The following SRPRB variants were observed in gnomAD, a reference collection of about 807,000 sequenced individuals.
SRPRB encodes the protein SRP receptor subunit beta, also known as signal recognition particle receptor subunit beta.
SRPRB carries 20 observed loss-of-function variants against 31.9 expected under a neutral mutation model. That is an observed-to-expected ratio of 0.63 (90% CI 0.44 to 0.91). The LOEUF (loss-of-function observed/expected upper bound fraction) is 0.91. Ranked by LOEUF, SRPRB falls within the 40% of genes least tolerant of loss-of-function variation. SRPRB has a pLI of 0.00. For missense variants in SRPRB, 321 were observed against 324.9 expected (o/e 0.99, Z 0.09); for synonymous variants, 146 against 132.8 (o/e 1.10, Z -0.68).
At chr3:133,823,858 A>C (rs16840994), downstream of SRPRB, among the ~76,000 whole-genome samples, 28,655 of 152,110 alleles carry the variant, frequency 0.19, 3,537 homozygotes, top group East Asian at 0.4. Flanking sequence ...CACCAGAAGC[A>C]TGAGAGATCC....
intron 1 of SRPRB, chr3:133,786,665 C>T (rs997195985): frequency 6.6e-6 from 1 of 152,150 alleles, no homozygotes; most frequent in African/African-American, 2.4e-5. Flanking sequence ...TTAAGATTCC[C>T]AGGAAAGACA....
chr3:133,819,643 G>A lies in SRPRB; in HGVS notation c.693G>A (p.Glu231=), dbSNP rs771842060. ...APAQLGKKGK[E]FEFSQLPLKV... is the part of the protein sequence containing the mutation. ...CTCAGCTGGGGAAGAAAGGCAAAGAGTTTGAATTCTCACAGTTGCCCCTCA... is the reference window on the plus strand; with the variant it reads ...CTCAGCTGGGGAAGAAAGGCAAAGAATTTGAATTCTCACAGTTGCCCCTCA... Residue 231 remains glutamate (E), a synonymous_variant, in exon 7 of 7, where the codon GAG becomes GAA. Transcript: ENST00000678299. The A allele has an allele frequency of 6.2e-7, 1 of 1,614,110 alleles. No homozygotes were observed. Among genetic ancestry groups the A allele is most frequent in the African/African-American group, 1.3e-5 (1 of 74,942 alleles).
At chr3:133,827,905 C>CTGGT (rs1333321968), downstream of SRPRB, 2 of 702,772 alleles carry the variant, frequency 2.8e-6, no homozygotes, top group African/African-American at 3.5e-5. Flanking sequence ...GCTGGGTGGG[C>CTGGT]TGGTTAAAAT....
At chr3:133,828,501 C>A, downstream of SRPRB, 1 of 465,700 alleles carries the variant, frequency 2.1e-6, no homozygotes, top group African/African-American at 2.0e-5. Context: ...AAATTGTATA[C>A]ACATGATTTA....
At chr3:133,819,495 A>C in intron 6 of SRPRB, 58 bp from the exon 7 acceptor site, 1 of 1,498,658 alleles carries the variant, frequency 6.7e-7, no homozygotes, top group South Asian at 1.1e-5. Flanking sequence ...AGAAACTAAT[A>C]TGATTTAATT....
chr3:133,814,290 C>T (rs1935326726), intron 4 of SRPRB, among the ~76,000 whole-genome samples: 1 of 151,998 alleles, frequency 6.6e-6, no homozygotes, highest in South Asian at 2.1e-4. Context: ...CGCCATCACA[C>T]CAAGCTAATT....
chr3:133,796,190 C>T (rs1477006315), intron 1 of SRPRB: 1 of 153,420 alleles, frequency 6.5e-6, no homozygotes, highest in Non-Finnish European at 1.5e-5. Context: ...CATCCAGTTC[C>T]ACCACCCCTG....
At chr3:133,825,770 AAAG>A (rs1935552088), downstream of SRPRB, 1 of 152,206 alleles carries the variant, frequency 6.6e-6, no homozygotes, top group Non-Finnish European at 1.5e-5. Flanking sequence ...CATCCCCAAA[AAAG>A]AAGGCCAAGA....
downstream of SRPRB, among the ~76,000 whole-genome samples, chr3:133,823,461 C>T (rs1236083146): frequency 6.6e-6 from 1 of 152,150 alleles, no homozygotes. Context: ...CCATGTTGGC[C>T]AGTCTGTTCT....
chr3:133,787,845 T>C (rs1431502482), intron 1 of SRPRB: 3 of 152,370 alleles, frequency 2.0e-5, no homozygotes, highest in East Asian at 1.9e-4. Context: ...AGGTTGCCAA[T>C]GTATGACAAA....
chr3:133,823,445 G>A (rs1192823633), downstream of SRPRB, among the ~76,000 whole-genome samples: 3 of 152,096 alleles, frequency 2.0e-5, no homozygotes, highest in Non-Finnish European at 4.4e-5. Context: ...TAGAGATGAG[G>A]TTTCACCATG....
intron 5 of SRPRB, 107 bp downstream of exon 5, chr3:133,815,833 T>TG: frequency 7.5e-7 from 1 of 1,332,578 alleles, no homozygotes; most frequent in Non-Finnish European, 1.0e-6. Context: ...GAGATACAAT[T>TG]GCTGTAAAGA....
upstream of SRPRB, among the ~76,000 whole-genome samples, chr3:133,804,044 C>A (rs1278569835): frequency 4.5e-5 from 6 of 131,948 alleles, no homozygotes; most frequent in African/African-American, 1.2e-4. Flanking sequence ...TGCAGTGAGC[C>A]GAGATCGCAC....
intron 1 of SRPRB, chr3:133,787,830 T>A (rs1443887369): frequency 6.6e-6 from 1 of 152,252 alleles, no homozygotes; most frequent in Non-Finnish European, 1.5e-5. Context: ...CTCTAGATAC[T>A]AAAGAGGTTG....
downstream of SRPRB, chr3:133,827,748 C>CG: frequency 6.3e-5 from 1 of 15,982 alleles, no homozygotes. Flanking sequence ...CAGACAACAC[C>CG]CCCCCCCCCC....
rs191845367 is a variant in SRPRB, at chr3:133,807,112, T to C, written c.249+409T>C. Among the ~76,000 whole-genome samples, 36 of 152,274 alleles carry C rather than the reference T, an allele frequency of 2.4e-4. 1 individual carries two copies. Among genetic ancestry groups the C allele is most frequent in the Admixed American group, 1.4e-3 (21 of 15,302 alleles). On this transcript the variant is annotated intron_variant, in intron 2 of 6. Coordinates refer to ENST00000678299, the MANE Select transcript of SRPRB (RefSeq NM_001379313.1). ...ACATAGTGGGCTAGTTAGGCTTCTTTTTACTAATATTTATTTTTAATACAT... is the reference window on the plus strand; with the variant it reads ...ACATAGTGGGCTAGTTAGGCTTCTTCTTACTAATATTTATTTTTAATACAT...
downstream of SRPRB, chr3:133,825,552 A>G (rs1405313236): frequency 6.6e-6 from 1 of 152,122 alleles, no homozygotes; most frequent in Non-Finnish European, 1.5e-5. Context: ...GGATCACACA[A>G]CTGCAGCCAT....
At chr3:133,789,381 G>A (rs1003619681) in intron 1 of SRPRB, 4 of 152,218 alleles carry the variant, frequency 2.6e-5, no homozygotes, top group South Asian at 2.1e-4. Context: ...GTGTTCTTTC[G>A]AGTCTGGGGA....
intron 1 of SRPRB, chr3:133,794,239 AT>A (rs1322708328): frequency 6.6e-6 from 1 of 152,236 alleles, no homozygotes; most frequent in African/African-American, 2.4e-5. Context: ...CACGGAAAAG[AT>A]AAAATGATCC....
Sources: allele counts gnomAD v4.1 joint callset (sites outside exome capture counted in the v4.1 genomes callset), GRCh38; gene constraint gnomAD v4.1.1; transcripts MANE v1.5; gene names NCBI Gene and HGNC (gene_info 2026-07-23, HGNC 2026-07-21).